ARHGAP25: variants seen among roughly 807,000 people sequenced by gnomAD.
ARHGAP25 encodes the protein rho GTPase-activating protein 25.
In ARHGAP25, 34 loss-of-function variants were observed where a neutral mutation model predicts 71.0. The observed-to-expected ratio is 0.48, with a 90% CI of 0.36 to 0.64. The LOEUF (loss-of-function observed/expected upper bound fraction) is 0.64, where lower values mean the gene tolerates loss of function less well. ARHGAP25 is among the 30% of genes least tolerant of loss of function. The pLI is 0.00. For missense variants in ARHGAP25, 706 were observed against 805.1 expected (o/e 0.88, Z 1.49); for synonymous variants, 282 against 296.5 (o/e 0.95, Z 0.50).
At chr2:68,752,150 G>A (rs2104318466) in intron 1 of ARHGAP25, among the ~76,000 whole-genome samples, 1 of 152,312 alleles carries the variant, frequency 6.6e-6, no homozygotes, top group Admixed American at 6.5e-5. Context: ...TAGAGGGCAG[G>A]CAGCAAAATT....
intron 2 of ARHGAP25, among the ~76,000 whole-genome samples, chr2:68,717,490 C>T (rs1457663572): frequency 1.3e-5 from 2 of 152,272 alleles, no homozygotes; most frequent in East Asian, 1.9e-4. Flanking sequence ...CTGCAAAAGA[C>T]GATAACTTAA....
At chr2:68,750,930 A>G (rs576490153) in intron 1 of ARHGAP25, among the ~76,000 whole-genome samples, 1 of 152,340 alleles carries the variant, frequency 6.6e-6, no homozygotes, top group African/African-American at 2.4e-5. Flanking sequence ...AATAATAGTT[A>G]TTAATGCCAC....
At chr2:68,716,390 G>A (rs1322125182) in intron 2 of ARHGAP25, among the ~76,000 whole-genome samples, 1 of 152,144 alleles carries the variant, frequency 6.6e-6, no homozygotes, top group Admixed American at 6.5e-5. Flanking sequence ...TGGAACATAC[G>A]CTAATGCTAT....
intron 1 of ARHGAP25, among the ~76,000 whole-genome samples, chr2:68,744,718 G>C (rs765259912): frequency 3.9e-5 from 6 of 152,166 alleles, no homozygotes; most frequent in Non-Finnish European, 7.4e-5. Flanking sequence ...CACAAATCAA[G>C]CTTCTAATGC....
At chr2:68,806,240 A>G (rs1404948597) in intron 4 of ARHGAP25, among the ~76,000 whole-genome samples, 8 of 152,246 alleles carry the variant, frequency 5.3e-5, no homozygotes. Context: ...ATGCATCCAA[A>G]TGTTAATTAA....
At chr2:68,724,330 T>C (rs1674833259) in intron 2 of ARHGAP25, among the ~76,000 whole-genome samples, 1 of 152,206 alleles carries the variant, frequency 6.6e-6, no homozygotes, top group Non-Finnish European at 1.5e-5. Flanking sequence ...ACATCTGGTC[T>C]CTAAGCTTAG....
chr2:68,714,474 A>G (rs1322123631), intron 2 of ARHGAP25, among the ~76,000 whole-genome samples: 1 of 152,000 alleles, frequency 6.6e-6, no homozygotes, highest in African/African-American at 2.4e-5. Context: ...TTTCTCCTGT[A>G]TCTATCTCTT....
chr2:68,797,707 G>A (rs1354838951), intron 4 of ARHGAP25, among the ~76,000 whole-genome samples: 1 of 152,196 alleles, frequency 6.6e-6, no homozygotes, highest in Non-Finnish European at 1.5e-5. Context: ...TCCCACAGCA[G>A]CCAGCCAGGT....
At position 68,826,566 on chromosome 2, in the gene ARHGAP25, C is replaced by T; in HGVS notation, c.*372C>T. On this transcript the variant is annotated 3_prime_UTR_variant, in exon 11 of 11. Coordinates refer to ENST00000409202, the MANE Select transcript of ARHGAP25 (RefSeq NM_001007231.3). ...TCTTTGTTTTTTGTGTGGAACAGCT[C>T]ACCTTGTCAGACAGCCTCAGGGCAT... 2.8e-6 allele frequency: 1 copy of T among 355,700 alleles called. No individual in the cohort carries two copies. Among genetic ancestry groups the T allele is most frequent in the Admixed American group, 4.0e-5 (1 of 25,156 alleles). 22.0% of individuals were successfully genotyped at this position (355,700 alleles called of 1,614,324 possible).
intron 2 of ARHGAP25, among the ~76,000 whole-genome samples, chr2:68,714,924 T>G (rs2104247996): frequency 6.6e-6 from 1 of 152,232 alleles, no homozygotes; most frequent in Non-Finnish European, 1.5e-5. Context: ...ATGACAATAA[T>G]AAAATGTCTC....
intron 1 of ARHGAP25, among the ~76,000 whole-genome samples, chr2:68,748,349 G>A (rs1675959637): frequency 6.6e-6 from 1 of 152,180 alleles, no homozygotes; most frequent in Non-Finnish European, 1.5e-5. Context: ...ATAATTAGCT[G>A]TAATTAGCCC....
rs1677167450 is a variant in ARHGAP25 at position 68,767,028 on chromosome 2, G to C, written c.62-8193G>C. On this transcript the variant is annotated intron_variant, in intron 1 of 10. Transcript: ENST00000409202. This position sits in a 1 kb window ranked among gnomAD's most constrained non-coding sequence, Gnocchi z 4.6. ...AAAATGAAATCTGCCCAATTCCGGA[G>C]TATTGAGGCAGGCATTTAGGGAACA... Among the ~76,000 whole-genome samples, 1 of 152,192 alleles carries C rather than the reference G, an allele frequency of 6.6e-6. No homozygotes were observed. The highest frequency in any genetic ancestry group is 2.4e-5 in the African/African-American group (1 of 41,424).
chr2:68,712,403 T>A (rs1674507992), intron 2 of ARHGAP25, among the ~76,000 whole-genome samples: 2 of 152,222 alleles, frequency 1.3e-5, no homozygotes, highest in Admixed American at 1.3e-4. Context: ...ATATTTTGGA[T>A]ATTAGCCCTT....
intron 2 of ARHGAP25, among the ~76,000 whole-genome samples, chr2:68,721,060 C>T (rs1229891487): frequency 6.6e-6 from 1 of 152,180 alleles, no homozygotes; most frequent in African/African-American, 2.4e-5. Context: ...ACACATGAAA[C>T]TTCTTGGGGG....
At chr2:68,823,535 A>G (rs980280115) in intron 10 of ARHGAP25, among the ~76,000 whole-genome samples, 1 of 151,914 alleles carries the variant, frequency 6.6e-6, no homozygotes, top group African/African-American at 2.4e-5. Context: ...GACTATGGCC[A>G]GTGCCGAGCC....
In ARHGAP25 at chr2:68,802,278, C is replaced by T. The variant is rs112337367; in HGVS notation, c.467-4995C>T. On this transcript the variant is annotated intron_variant, in intron 4 of 10. Transcript: ENST00000409202. ...AAAATATCATCCAGGTGTGGTGGCACGTGCCTGTAGTCCCAGCTACTCGGG... is the reference window on the plus strand; with the variant it reads ...AAAATATCATCCAGGTGTGGTGGCATGTGCCTGTAGTCCCAGCTACTCGGG... 6.3e-3 allele frequency among the ~76,000 whole-genome samples: 956 copies of T among 151,858 alleles called. 11 individuals are homozygous for T. The highest frequency in any genetic ancestry group is 0.022 in the African/African-American group (895 of 41,404).
chr2:68,763,779 G>A (rs1443667906), intron 1 of ARHGAP25, among the ~76,000 whole-genome samples: 2 of 152,026 alleles, frequency 1.3e-5, no homozygotes, highest in African/African-American at 4.8e-5. Context: ...CATTTTTTCT[G>A]CAGAAACTGT....
intron 4 of ARHGAP25, among the ~76,000 whole-genome samples, chr2:68,799,637 A>G: frequency 6.6e-6 from 1 of 152,166 alleles, no homozygotes; most frequent in Non-Finnish European, 1.5e-5. Flanking sequence ...ATTAGCTGCT[A>G]AGTAAAAGGA....
At chr2:68,823,618 A>G (rs1681870227) in intron 10 of ARHGAP25, among the ~76,000 whole-genome samples, 2 of 152,170 alleles carry the variant, frequency 1.3e-5, no homozygotes, top group South Asian at 2.1e-4. Context: ...GAGAGTGATT[A>G]GAGGAGATGA....
Sources: gnomAD v4.1 joint callset for allele counts (sites outside exome capture counted in the v4.1 genomes callset) on GRCh38, gnomAD v4.1.1 for gene constraint, Gnocchi (gnomAD v3.1) non-coding constraint, MANE v1.5 for transcripts, NCBI Gene and HGNC (gene_info 2026-07-23, HGNC 2026-07-21) for gene names.